The following COP1 variants were observed in gnomAD, a reference collection of about 807,000 sequenced individuals.
COP1 encodes the protein COP1 E3 ubiquitin ligase.
A neutral mutation model predicts 101.3 loss-of-function variants in COP1; 24 were observed. The observed-to-expected ratio is 0.24, with a 90% CI of 0.17 to 0.33. The LOEUF is 0.33. Among genes scored for constraint, COP1 ranks in the 10% least tolerant of loss-of-function variants. The pLI, the probability that COP1 is intolerant of heterozygous loss-of-function variation, is 1.00. For missense variants in COP1, 663 were observed against 906.2 expected (o/e 0.73, Z 3.45); for synonymous variants, 347 against 341.9 (o/e 1.01, Z -0.17).
At chr1:176,178,985 G>GT (rs1239541284) in intron 2 of COP1, among the ~76,000 whole-genome samples, 159 of 146,556 alleles carry the variant, frequency 1.1e-3, no homozygotes, top group Admixed American at 2.4e-3. Flanking sequence ...TTTTTTTTTA[G>GT]TTTTTTTTTT....
chr1:176,090,610 T>G (rs760755129), intron 9 of COP1, among the ~76,000 whole-genome samples: 1 of 151,920 alleles, frequency 6.6e-6, no homozygotes, highest in Admixed American at 6.6e-5. Flanking sequence ...ACAAAAGTAA[T>G]TGAACTGGAA....
chr1:176,044,423 T>C (rs1272036597), intron 12 of COP1, among the ~76,000 whole-genome samples: 3 of 152,316 alleles, frequency 2.0e-5, no homozygotes, highest in African/African-American at 7.2e-5. Flanking sequence ...CATATCTGCA[T>C]CACGCATATA....
chr1:176,161,886 G>C (rs1004937446), intron 5 of COP1, among the ~76,000 whole-genome samples: 2 of 152,222 alleles, frequency 1.3e-5, no homozygotes, highest in Non-Finnish European at 2.9e-5. Context: ...ACCACAGTCA[G>C]TGGGATCCAG....
At chr1:175,979,303 A>G (rs1335760897) in intron 18 of COP1, among the ~76,000 whole-genome samples, 3 of 152,172 alleles carry the variant, frequency 2.0e-5, no homozygotes, top group Admixed American at 6.6e-5. Context: ...CCACTGGTAT[A>G]AATAAATTTT....
intron 18 of COP1, among the ~76,000 whole-genome samples, chr1:175,949,863 G>A (rs749215957): frequency 1.3e-5 from 2 of 152,080 alleles, no homozygotes; most frequent in Non-Finnish European, 2.9e-5. Flanking sequence ...GGATAAGCAG[G>A]GAGTCTACTT....
intron 11 of COP1, among the ~76,000 whole-genome samples, chr1:176,048,081 A>G (rs1472515962): frequency 1.3e-5 from 2 of 152,244 alleles, no homozygotes; most frequent in East Asian, 1.9e-4. Context: ...TTAAAAAACA[A>G]CTACAACAAC....
intron 1 of COP1, among the ~76,000 whole-genome samples, chr1:176,196,987 CTA>C (rs1699770312): frequency 6.6e-6 from 1 of 152,008 alleles, no homozygotes; most frequent in Non-Finnish European, 1.5e-5. Flanking sequence ...GCAATAATAC[CTA>C]TGTTACGGGT....
At chr1:175,986,919 G>A (rs1368714724) in intron 18 of COP1, 24 bp downstream of exon 18, 1 of 1,538,580 alleles carries the variant, frequency 6.5e-7, no homozygotes, top group Admixed American at 2.2e-5. Context: ...ATCCCAAGGT[G>A]AAAAAACTGA....
chr1:176,051,918 C>CA (rs912520580), intron 11 of COP1, among the ~76,000 whole-genome samples: 1 of 149,826 alleles, frequency 6.7e-6, no homozygotes, highest in Non-Finnish European at 1.5e-5. Context: ...ATCACAAAGT[C>CA]AAAAAAAAAT....
At chr1:176,064,423 T>C (rs1415685879) in intron 11 of COP1, among the ~76,000 whole-genome samples, 1 of 152,204 alleles carries the variant, frequency 6.6e-6, no homozygotes, top group Non-Finnish European at 1.5e-5. Context: ...AACCAACTTT[T>C]GAATCCCTGA....
At chr1:176,199,522 TCAAA>T (rs1213439498) in intron 1 of COP1, among the ~76,000 whole-genome samples, 1 of 151,700 alleles carries the variant, frequency 6.6e-6, no homozygotes, top group African/African-American at 2.4e-5. Flanking sequence ...TAGAAACAAG[TCAAA>T]AATCTTTTAA....
rs1222653018 is a variant in COP1 at position 176,171,681 on chromosome 1, A to AAAAAAATTTGTTTTAAC, written c.565+4228_565+4229insGTTAAAACAAATTTTTT. 6.0e-3 allele frequency among the ~76,000 whole-genome samples: 920 copies of AAAAAAATTTGTTTTAAC among 152,278 alleles called. 11 individuals carry two copies. Among genetic ancestry groups the AAAAAAATTTGTTTTAAC allele is most frequent in the African/African-American group, 0.021 (882 of 41,530 alleles). ...AATGCAGGGTTGCCACAAACTTTCA[A>AAAAAAATTTGTTTTAAC]TTTGTTAAAAAAAATGCAACTTCTA... On this transcript the variant is annotated intron_variant, in intron 3 of 19. Transcript: ENST00000367669.
intron 5 of COP1, among the ~76,000 whole-genome samples, chr1:176,155,752 T>C (rs1316511540): frequency 6.6e-6 from 1 of 152,054 alleles, no homozygotes; most frequent in East Asian, 1.9e-4. Flanking sequence ...AAAGAAAATC[T>C]TAAAAGCAGT....
At chr1:175,994,642 CAAAG>C in intron 15 of COP1, among the ~76,000 whole-genome samples, 1 of 152,112 alleles carries the variant, frequency 6.6e-6, no homozygotes, top group Non-Finnish European at 1.5e-5. Flanking sequence ...TCAAAACAGA[CAAAG>C]AAGGCCATTA....
At chr1:176,019,694 T>C (rs1004506565) in intron 15 of COP1, among the ~76,000 whole-genome samples, 1 of 151,476 alleles carries the variant, frequency 6.6e-6, no homozygotes, top group Non-Finnish European at 1.5e-5. Context: ...AAATACGTTT[T>C]TCCAAAAAAT....
chr1:176,092,964 G>T (rs1458527700), intron 9 of COP1, among the ~76,000 whole-genome samples: 2 of 152,112 alleles, frequency 1.3e-5, no homozygotes, highest in African/African-American at 4.8e-5. Context: ...AGATTCAACT[G>T]AAAAATTGTA....
At chr1:176,054,234 C>A (rs919294780) in intron 11 of COP1, among the ~76,000 whole-genome samples, 1 of 150,666 alleles carries the variant, frequency 6.6e-6, no homozygotes, top group Non-Finnish European at 1.5e-5. Context: ...GATCTCGGCT[C>A]ACTGCAACCT....
chr1:175,989,099 TAGG>T (rs1657805024), intron 16 of COP1: 1 of 280,320 alleles, frequency 3.6e-6, no homozygotes, highest in African/African-American at 2.2e-5. Context: ...CAATTAAACA[TAGG>T]AGGATGAGAT....
chr1:176,106,309 G>A (rs1052568012), intron 9 of COP1, among the ~76,000 whole-genome samples: 4 of 152,160 alleles, frequency 2.6e-5, no homozygotes, highest in South Asian at 2.1e-4. Context: ...GGGATTACAG[G>A]TGTGGGCCAC....
Sources: gnomAD v4.1 joint callset for allele counts (sites outside exome capture counted in the v4.1 genomes callset) on GRCh38, gnomAD v4.1.1 for gene constraint, MANE v1.5 for transcripts, NCBI Gene and HGNC (gene_info 2026-07-23, HGNC 2026-07-21) for gene names.